The following MCTP1 variants were observed in gnomAD, a reference collection of about 807,000 sequenced individuals.
The protein encoded by MCTP1 is multiple C2 and transmembrane domain containing 1.
MCTP1 carries 69 observed loss-of-function variants against 120.6 expected under a neutral mutation model. That is an observed-to-expected ratio of 0.57 (90% CI 0.47 to 0.70). MCTP1 has a LOEUF of 0.70. MCTP1 is among the 30% of genes least tolerant of loss of function. The probability of loss-of-function intolerance (pLI) is 0.00; values close to 1 mark genes in which losing one functional copy is unlikely to be tolerated. For synonymous variants in MCTP1, 529 were observed against 493.1 expected (o/e 1.07, Z -0.96); for missense variants, 1,203 against 1,248.8 (o/e 0.96, Z 0.55).
At chr5:95,150,089 C>T (rs1043840375) in intron 1 of MCTP1, among the ~76,000 whole-genome samples, 3 of 152,158 alleles carry the variant, frequency 2.0e-5, no homozygotes, top group African/African-American at 7.2e-5. Flanking sequence ...GAGGGTGTTA[C>T]ACATCAGCCC....
chr5:94,721,697 T>C (rs747228472), intron 19 of MCTP1, among the ~76,000 whole-genome samples: 1 of 152,206 alleles, frequency 6.6e-6, no homozygotes, highest in African/African-American at 2.4e-5. Flanking sequence ...TATTTCATAC[T>C]TTTTTCAATA....
At chr5:94,742,053 T>C (rs1765642031) in intron 19 of MCTP1, among the ~76,000 whole-genome samples, 1 of 151,226 alleles carries the variant, frequency 6.6e-6, no homozygotes, top group Admixed American at 6.6e-5. Flanking sequence ...GTATAAGCCA[T>C]GAAGTGTAAG....
chr5:95,199,210 C>A (rs1750727409), intron 1 of MCTP1, among the ~76,000 whole-genome samples: 1 of 152,014 alleles, frequency 6.6e-6, no homozygotes, highest in African/African-American at 2.4e-5. Context: ...TAGTATTTTG[C>A]TAAAAGTCAC....
intron 18 of MCTP1, among the ~76,000 whole-genome samples, chr5:94,793,785 C>A (rs1191974075): frequency 6.6e-6 from 1 of 152,176 alleles, no homozygotes; most frequent in Non-Finnish European, 1.5e-5. Context: ...CACTGGCTGA[C>A]AAAATAATAA....
At chr5:95,158,772 C>CAAAA (rs144028033) in intron 1 of MCTP1, among the ~76,000 whole-genome samples, 133 of 139,022 alleles carry the variant, frequency 9.6e-4, no homozygotes, top group African/African-American at 3.2e-3. Context: ...CAAAAAATAC[C>CAAAA]AAAAAAAAAA....
chr5:94,915,900 A>G (rs574943256), intron 8 of MCTP1, among the ~76,000 whole-genome samples: 1 of 152,250 alleles, frequency 6.6e-6, no homozygotes, highest in South Asian at 2.1e-4. Flanking sequence ...ATAACCCAGA[A>G]GAACATTTCC....
At chr5:95,280,805 G>A (rs1760254485) in intron 1 of MCTP1, among the ~76,000 whole-genome samples, 1 of 152,166 alleles carries the variant, frequency 6.6e-6, no homozygotes, top group Non-Finnish European at 1.5e-5. Context: ...AAAGTAGCCT[G>A]GTTTGTTCAC....
chr5:95,242,999 G>A (rs1033973268), intron 1 of MCTP1, among the ~76,000 whole-genome samples: 4 of 152,092 alleles, frequency 2.6e-5, no homozygotes, highest in Non-Finnish European at 5.9e-5. Flanking sequence ...CACTATTTAG[G>A]ACATGTGAAT....
intron 19 of MCTP1, among the ~76,000 whole-genome samples, chr5:94,757,922 G>T (rs1370175344): frequency 6.6e-6 from 1 of 152,180 alleles, no homozygotes; most frequent in Non-Finnish European, 1.5e-5. Context: ...GATATCAAAT[G>T]GTGGTCAAGG....
At chr5:94,717,723 A>C in intron 19 of MCTP1, among the ~76,000 whole-genome samples, 1 of 152,100 alleles carries the variant, frequency 6.6e-6, no homozygotes, top group East Asian at 1.9e-4. Flanking sequence ...CTATACACCA[A>C]CCATAGACAA....
At chr5:94,717,987 C>G (rs147464523) in intron 19 of MCTP1, among the ~76,000 whole-genome samples, 206 of 152,140 alleles carry the variant, frequency 1.4e-3, no homozygotes, top group African/African-American at 4.8e-3. Flanking sequence ...TACCACTGAC[C>G]TTCTTCACAA....
intron 19 of MCTP1, among the ~76,000 whole-genome samples, chr5:94,746,432 T>G (rs1766922333): frequency 6.6e-6 from 1 of 152,244 alleles, no homozygotes; most frequent in Non-Finnish European, 1.5e-5. Context: ...ATGAATGTTT[T>G]GAGATATATG....
intron 11 of MCTP1, among the ~76,000 whole-genome samples, chr5:94,890,908 A>G (rs1802436636): frequency 6.6e-6 from 1 of 152,232 alleles, no homozygotes; most frequent in Non-Finnish European, 1.5e-5. Flanking sequence ...TTCATAATTT[A>G]TAAAATGTTT....
At chr5:95,138,464 A>T (rs1030854173) in intron 1 of MCTP1, among the ~76,000 whole-genome samples, 2 of 152,216 alleles carry the variant, frequency 1.3e-5, no homozygotes, top group Non-Finnish European at 2.9e-5. Flanking sequence ...TGGAAACTAA[A>T]TTAGTCGCAT....
chr5:95,051,172 A>C (rs575230610), intron 1 of MCTP1, among the ~76,000 whole-genome samples: 4 of 152,254 alleles, frequency 2.6e-5, no homozygotes, highest in African/African-American at 9.6e-5. Flanking sequence ...ACAAGTCAGC[A>C]TTGTCTTTAT....
rs970459899 is a variant in MCTP1 at position 95,081,880 on chromosome 5, A to G, written c.721-64396T>C. The G allele has an allele frequency of 3.1e-6, 3 of 971,914 alleles. No homozygotes were observed. In the African/African-American group the frequency reaches 5.3e-5, roughly 17 times the overall value. The allele number at this position is 971,914 out of a possible 1,614,324, so 60.2% of individuals were successfully genotyped here. A position where few individuals can be genotyped will look rare whatever the true frequency, so the allele number is the denominator to read the frequency against. On this transcript the variant is annotated intron_variant, in intron 1 of 22. Coordinates refer to ENST00000515393, the MANE Select transcript of MCTP1 (RefSeq NM_024717.7). ...CCTCTTCCTCATGGCAAAAGCCACA[A>G]CAGGAAATGAGAATAACAACACTGC...
Position 94,705,501 on chromosome 5 carries a change from A to G in MCTP1, c.*1995T>C, listed in dbSNP as rs1430565570. The G allele has an allele frequency of 8.0e-6, 1 of 125,638 alleles. No homozygotes were observed. The highest frequency in any genetic ancestry group is 3.0e-5 in the African/African-American group (1 of 33,762). The allele number at this position is 125,638 out of a possible 1,614,324, so 7.8% of individuals were successfully genotyped here. A position where few individuals can be genotyped will look rare whatever the true frequency, so the allele number is the denominator to read the frequency against. ...GCACACAATCCCTCATCAATCTCTG[A>G]ACCACCAAAAAAAAAAAAAAAAGGA... On this transcript the variant is annotated 3_prime_UTR_variant, in exon 23 of 23. Transcript: ENST00000515393.
At chr5:94,886,234 A>G (rs958499487) in intron 12 of MCTP1, among the ~76,000 whole-genome samples, 1 of 152,196 alleles carries the variant, frequency 6.6e-6, no homozygotes, top group Non-Finnish European at 1.5e-5. Context: ...CTCTTTATTC[A>G]CACAGAGTTA....
chr5:94,742,895 G>T (rs1236188627), intron 19 of MCTP1, among the ~76,000 whole-genome samples: 1 of 152,144 alleles, frequency 6.6e-6, no homozygotes, highest in East Asian at 1.9e-4. Flanking sequence ...GCTAGGCTGG[G>T]GGAGATAACG....
Sources: gnomAD v4.1 joint callset for allele counts (sites outside exome capture counted in the v4.1 genomes callset) on GRCh38, gnomAD v4.1.1 for gene constraint, MANE v1.5 for transcripts, NCBI Gene and HGNC (gene_info 2026-07-23, HGNC 2026-07-21) for gene names.